Variants in VPS13A observed in about 807,000 individuals in gnomAD.
VPS13A encodes the protein vacuolar protein sorting 13 homolog A.
In VPS13A, 264 loss-of-function variants were observed where a neutral mutation model predicts 390.9. The observed-to-expected ratio is 0.68, with a 90% CI of 0.61 to 0.75. The LOEUF (loss-of-function observed/expected upper bound fraction) is 0.75. VPS13A is among the 30% of genes least tolerant of loss of function. VPS13A has a pLI of 0.00. For missense variants in VPS13A, 3,409 were observed against 3,733.9 expected (o/e 0.91, Z 2.27); for synonymous variants, 1,231 against 1,227.1 (o/e 1.00, Z -0.07).
chr9:77,362,889 A>AT (rs1488358913), intron 59 of VPS13A, among the ~76,000 whole-genome samples: 1 of 152,078 alleles, frequency 6.6e-6, no homozygotes, highest in African/African-American at 2.4e-5. Context: ...AATAAAATTG[A>AT]TTTTTTAATT....
intron 67 of VPS13A, among the ~76,000 whole-genome samples, chr9:77,375,167 G>C (rs1409413745): frequency 6.6e-6 from 1 of 152,070 alleles, no homozygotes; most frequent in Non-Finnish European, 1.5e-5. Context: ...ATTACCTTCT[G>C]TTTATCTAAA....
chr9:77,187,201 T>C (rs1824392129), intron 1 of VPS13A, among the ~76,000 whole-genome samples: 1 of 152,224 alleles, frequency 6.6e-6, no homozygotes, highest in South Asian at 2.1e-4. Flanking sequence ...TGGATATTTT[T>C]CTTTGAAGTT....
Position 77,177,768 on chromosome 9 carries a change from T to C in VPS13A, c.64T>C (p.Leu22=), listed in dbSNP as rs1360245833. The change falls in exon 1 of 72, where the codon TTG becomes CTG. Residue 22 remains leucine, a synonymous_variant. Coordinates refer to ENST00000360280, the MANE Select transcript of VPS13A (RefSeq NM_033305.3). ...NRFLGDYVVD[L]DTSQLSLGIW... is the part of the protein sequence containing the mutation. Reference sequence around the variant, plus strand: ...GTTCTTGGGGGACTATGTGGTGGACTTGGACACGTCCCAGCTCTCTCTGGG... The same window carrying C: ...GTTCTTGGGGGACTATGTGGTGGACCTGGACACGTCCCAGCTCTCTCTGGG... 24 of 1,613,488 alleles carry C rather than the reference T, an allele frequency of 1.5e-5. No homozygotes were observed. In the East Asian group the frequency reaches 5.1e-4, roughly 34 times the overall value.
At chr9:77,394,860 T>A (rs1834060253) in intron 68 of VPS13A, among the ~76,000 whole-genome samples, 1 of 152,218 alleles carries the variant, frequency 6.6e-6, no homozygotes, top group Non-Finnish European at 1.5e-5. Context: ...TCACCTTTTC[T>A]TCTGCAGCTT....
intron 46 of VPS13A, 138 bp from the exon 47 acceptor site, chr9:77,337,117 G>A (rs1830581312): frequency 1.0e-6 from 1 of 968,572 alleles, no homozygotes; most frequent in Non-Finnish European, 1.5e-6. Flanking sequence ...TACTTATATC[G>A]TAAAAAGTAT....
chr9:77,356,507 G>A (rs557297981), intron 54 of VPS13A, among the ~76,000 whole-genome samples: 254 of 152,174 alleles, frequency 1.7e-3, no homozygotes, highest in Middle Eastern at 3.4e-3. Context: ...CACTGATAAC[G>A]GCTGTAACAC....
At chr9:77,217,313 T>C (rs1195700145) in intron 10 of VPS13A, among the ~76,000 whole-genome samples, 2 of 152,228 alleles carry the variant, frequency 1.3e-5, no homozygotes, top group African/African-American at 4.8e-5. Context: ...GATGTTTTTG[T>C]ATTTAATTTT....
At chr9:77,330,782 TAAA>T (rs58028752) in intron 45 of VPS13A, among the ~76,000 whole-genome samples, 1 of 147,296 alleles carries the variant, frequency 6.8e-6, no homozygotes, top group Non-Finnish European at 1.5e-5. Flanking sequence ...TCCCTCAAAT[TAAA>T]AAAAAAAATA....
chr9:77,289,092 G>C (rs1827502986), intron 31 of VPS13A, among the ~76,000 whole-genome samples: 1 of 152,010 alleles, frequency 6.6e-6, no homozygotes, highest in Non-Finnish European at 1.5e-5. Context: ...ATGTTTTCTT[G>C]TTTAAAGTGG....
chr9:77,286,994 A>G (rs1163084233), intron 31 of VPS13A, among the ~76,000 whole-genome samples: 1 of 152,002 alleles, frequency 6.6e-6, no homozygotes, highest in East Asian at 1.9e-4. Flanking sequence ...TCTGTCGAGC[A>G]AATCTGTTCT....
At chr9:77,180,659 A>G (rs10869906) in intron 1 of VPS13A, among the ~76,000 whole-genome samples, 29,858 of 152,098 alleles carry the variant, frequency 0.2, 3,796 homozygotes, top group East Asian at 0.4. Context: ...CAAATATCCA[A>G]TTGTTTAGCA....
At chr9:77,284,740 A>G (rs1029839295) in intron 31 of VPS13A, among the ~76,000 whole-genome samples, 7 of 151,870 alleles carry the variant, frequency 4.6e-5, no homozygotes, top group African/African-American at 9.7e-5. Context: ...GTCTTGCTCT[A>G]TCACCCAGGC....
At chr9:77,388,262 G>A (rs1833769159) in intron 68 of VPS13A, among the ~76,000 whole-genome samples, 1 of 152,092 alleles carries the variant, frequency 6.6e-6, no homozygotes, top group Non-Finnish European at 1.5e-5. Context: ...ATTAGTGAGT[G>A]AATTTGTGAG....
chr9:77,275,803 G>A (rs927414446), intron 25 of VPS13A, 151 bp downstream of exon 25: 10 of 913,208 alleles, frequency 1.1e-5, no homozygotes, highest in African/African-American at 1.1e-4. Context: ...GTCACTCCCC[G>A]CCCCCCCCTT....
rs750432248 is a variant in VPS13A at position 77,200,017 on chromosome 9, A to C, written c.144+29A>C. On this transcript the variant is annotated intron_variant, in intron 2 of 71. Transcript: ENST00000360280. ...GGTTTTGACTATGAAAAATTTGTAA[A>C]GTTATTGCATTTAATTATGTATAAT... The C allele has an allele frequency of 3.8e-6, 6 of 1,559,262 alleles. No individual in the cohort carries two copies. In the African/African-American group the frequency reaches 8.1e-5, roughly 21 times the overall value.
Position 77,260,070 on chromosome 9 carries a change from T to G in VPS13A, c.2289-16T>G. 1 of 1,412,144 alleles carries G rather than the reference T, an allele frequency of 7.1e-7. No homozygotes were observed. The highest frequency in any genetic ancestry group is 9.9e-7 in the Non-Finnish European group (1 of 1,012,466). 87.5% of individuals were successfully genotyped at this position (1,412,144 alleles called of 1,614,324 possible). A position where few individuals can be genotyped will look rare whatever the true frequency, so the allele number is the denominator to read the frequency against. ...TAATTCCTTTATAATTACTTATTTT[T>G]ATCTTTTCAAAACAGATTCAAGATT... On this transcript the variant is annotated splice_polypyrimidine_tract_variant and intron_variant, in intron 22 of 71. Coordinates refer to ENST00000360280, the MANE Select transcript of VPS13A (RefSeq NM_033305.3).
chr9:77,362,440 G>C (rs1832195739), intron 59 of VPS13A, among the ~76,000 whole-genome samples: 1 of 152,194 alleles, frequency 6.6e-6, no homozygotes, highest in African/African-American at 2.4e-5. Flanking sequence ...TTGAAAATCA[G>C]TTAACAACAC....
At chr9:77,368,007 C>A in intron 61 of VPS13A, 48 bp from the exon 62 acceptor site, 1 of 1,494,790 alleles carries the variant, frequency 6.7e-7, no homozygotes, top group Non-Finnish European at 9.2e-7. Context: ...ATTAAAAATA[C>A]TTTCTTCATA....
At chr9:77,275,361 T>C (rs1020163522) in intron 24 of VPS13A, 137 bp from the exon 25 acceptor site, 10 of 821,652 alleles carry the variant, frequency 1.2e-5, no homozygotes, top group African/African-American at 1.7e-5. Flanking sequence ...TTATTTTCTG[T>C]TTATTTCGGT....
Sources: gnomAD v4.1 joint callset for allele counts (sites outside exome capture counted in the v4.1 genomes callset) on GRCh38, gnomAD v4.1.1 for gene constraint, MANE v1.5 for transcripts, NCBI Gene and HGNC (gene_info 2026-07-23, HGNC 2026-07-21) for gene names.